Variants in PLCL2 observed in about 807,000 individuals in gnomAD.
PLCL2 encodes inactive phospholipase C-like protein 2.
PLCL2 carries 4 observed loss-of-function variants against 79.6 expected under a neutral mutation model. That is an observed-to-expected ratio of 0.05 (90% CI 0.02 to 0.11). PLCL2 has a LOEUF of 0.11. PLCL2 is among the 10% of genes least tolerant of loss of function. The probability of loss-of-function intolerance (pLI) is 1.00; values close to 1 mark genes in which losing one functional copy is unlikely to be tolerated. For missense variants in PLCL2, 895 were observed against 1,291.0 expected (o/e 0.69, Z 4.70); for synonymous variants, 484 against 457.7 (o/e 1.06, Z -0.73).
intron 5 of PLCL2, among the ~76,000 whole-genome samples, chr3:17,079,600 C>T (rs2065142020): frequency 6.6e-6 from 1 of 152,208 alleles, no homozygotes; most frequent in East Asian, 1.9e-4. Flanking sequence ...TGCCGCCGTC[C>T]TTTCCTGCCC....
intron 1 of PLCL2, among the ~76,000 whole-genome samples, chr3:16,889,078 C>A (rs1485673266): frequency 1.3e-5 from 2 of 152,106 alleles, no homozygotes; most frequent in African/African-American, 4.8e-5. Context: ...GGAAATTCGG[C>A]CATTACCTTA....
chr3:17,021,557 C>A (rs2064453013), intron 3 of PLCL2, among the ~76,000 whole-genome samples: 1 of 151,502 alleles, frequency 6.6e-6, no homozygotes, highest in African/African-American at 2.4e-5. Flanking sequence ...CATGTCTCCA[C>A]AGAAACCACT....
chr3:17,040,564 G>A (rs528914351), intron 3 of PLCL2, among the ~76,000 whole-genome samples: 1 of 152,256 alleles, frequency 6.6e-6, no homozygotes, highest in African/African-American at 2.4e-5. Context: ...GGATAAATGG[G>A]GAGTCAGCCG....
chr3:16,960,028 C>G (rs1399542729), intron 1 of PLCL2, among the ~76,000 whole-genome samples: 2 of 152,126 alleles, frequency 1.3e-5, no homozygotes, highest in Non-Finnish European at 2.9e-5. Context: ...TGGCGTGAAC[C>G]TGGGAGGCGG....
chr3:16,965,261 G>A (rs186197868), intron 1 of PLCL2, among the ~76,000 whole-genome samples: 19 of 152,058 alleles, frequency 1.2e-4, no homozygotes, highest in Admixed American at 2.6e-4. Context: ...TCCCAGCACC[G>A]TTTATTAAAT....
chr3:17,038,134 A>G (rs1356433671), intron 3 of PLCL2, among the ~76,000 whole-genome samples: 2 of 152,160 alleles, frequency 1.3e-5, no homozygotes, highest in African/African-American at 4.8e-5. Flanking sequence ...TTAAAATCTT[A>G]TATTAGAGGT....
intron 4 of PLCL2, among the ~76,000 whole-genome samples, chr3:17,056,799 G>A (rs1361060305): frequency 6.6e-6 from 1 of 152,176 alleles, no homozygotes; most frequent in Non-Finnish European, 1.5e-5. Flanking sequence ...GAGTGGTATA[G>A]ATAACAGGTA....
At chr3:17,052,260 G>T (rs375815930) in intron 4 of PLCL2, among the ~76,000 whole-genome samples, 9 of 150,354 alleles carry the variant, frequency 6.0e-5, no homozygotes, top group Non-Finnish European at 1.0e-4. Flanking sequence ...AAAATTGGGG[G>T]GGGGTGAAGG....
In PLCL2 at chr3:17,009,285, C is replaced by CA. The variant is rs1243341883; in HGVS notation, c.328-381dup. On this transcript the variant is annotated intron_variant, in intron 1 of 5. Coordinates refer to ENST00000615277, the MANE Select transcript of PLCL2 (RefSeq NM_001144382.2). The surrounding 1 kb of genome is among the most constrained non-coding windows in gnomAD (Gnocchi z 4.0). ...ACAGGCATGAGCCACCATGCCCGGC[C>CA]AAAAAAAATTTTTTTTTGTAGAGAT... 1.3e-5 allele frequency among the ~76,000 whole-genome samples: 2 copies of CA among 151,740 alleles called. No homozygotes were observed. The highest frequency in any genetic ancestry group is 2.1e-4 in the South Asian group (1 of 4,810).
chr3:16,967,859 T>C (rs1370798270), intron 1 of PLCL2, among the ~76,000 whole-genome samples: 2 of 152,152 alleles, frequency 1.3e-5, no homozygotes, highest in Non-Finnish European at 2.9e-5. Flanking sequence ...TCAAATAGCA[T>C]TTCTTACGTT....
At chr3:17,004,251 G>A (rs2064238664) in intron 1 of PLCL2, among the ~76,000 whole-genome samples, 1 of 152,126 alleles carries the variant, frequency 6.6e-6, no homozygotes, top group Non-Finnish European at 1.5e-5. Context: ...GGCTTTCTGT[G>A]TTGTAAACCG....
chr3:16,950,630 C>T (rs1444977541), intron 1 of PLCL2, among the ~76,000 whole-genome samples: 1 of 151,402 alleles, frequency 6.6e-6, no homozygotes, highest in Non-Finnish European at 1.5e-5. Context: ...TATTGGGAGG[C>T]TTCTACCATC....
chr3:16,913,477 C>T (rs971696001), intron 1 of PLCL2, among the ~76,000 whole-genome samples: 1 of 151,662 alleles, frequency 6.6e-6, no homozygotes, highest in African/African-American at 2.4e-5. Context: ...CAGATTATTG[C>T]TGGGATTCTG....
intron 4 of PLCL2, among the ~76,000 whole-genome samples, chr3:17,064,700 C>G (rs1419435204): frequency 6.6e-6 from 1 of 151,926 alleles, no homozygotes; most frequent in Non-Finnish European, 1.5e-5. Context: ...TCAGTCATTT[C>G]TAAGTTAATA....
intron 3 of PLCL2, among the ~76,000 whole-genome samples, chr3:17,028,787 C>T: frequency 6.6e-6 from 1 of 152,046 alleles, no homozygotes; most frequent in East Asian, 1.9e-4. Flanking sequence ...TCTTCCTCTC[C>T]CTGAAATCTG....
intron 1 of PLCL2, among the ~76,000 whole-genome samples, chr3:16,993,324 T>C (rs1575575872): frequency 1.3e-5 from 2 of 152,334 alleles, no homozygotes; most frequent in Admixed American, 1.3e-4. Context: ...CAGTTGCTGG[T>C]GGTTCCAGCC....
At chr3:16,917,274 C>G (rs1333565810) in intron 1 of PLCL2, among the ~76,000 whole-genome samples, 1 of 152,178 alleles carries the variant, frequency 6.6e-6, no homozygotes, top group African/African-American at 2.4e-5. Context: ...AGTCCTATTA[C>G]TAGGTTCAGC....
chr3:16,947,587 T>C lies in PLCL2; in HGVS notation c.328-62087T>C, dbSNP rs566679235. 1.2e-4 allele frequency among the ~76,000 whole-genome samples: 18 copies of C among 152,342 alleles called. No homozygotes were observed. The South Asian group carries it at 3.7e-3, about 32-fold the overall frequency. Reference sequence around the variant, plus strand: ...AGTGTTTTAGAAACGGAATATCCTCTGCCTGCTTTTCAACAGTTTTGTCTC... The same window carrying C: ...AGTGTTTTAGAAACGGAATATCCTCCGCCTGCTTTTCAACAGTTTTGTCTC... On this transcript the variant is annotated intron_variant, in intron 1 of 5. Coordinates refer to ENST00000615277, the MANE Select transcript of PLCL2 (RefSeq NM_001144382.2).
intron 2 of PLCL2, among the ~76,000 whole-genome samples, chr3:17,012,991 CTG>C (rs2064342902): frequency 1.3e-5 from 2 of 152,200 alleles, no homozygotes; most frequent in African/African-American, 4.8e-5. Context: ...TAAAATCTGA[CTG>C]AGAAAATTCA....
Sources: gnomAD v4.1 joint callset for allele counts (sites outside exome capture counted in the v4.1 genomes callset) on GRCh38, gnomAD v4.1.1 for gene constraint, Gnocchi (gnomAD v3.1) non-coding constraint, MANE v1.5 for transcripts, NCBI Gene and HGNC (gene_info 2026-07-23, HGNC 2026-07-21) for gene names.